CPAP: variants seen among roughly 807,000 people sequenced by gnomAD.
CPAP encodes the protein centrosome assembly and centriole elongation protein.
chr13:24,894,972 G>C, the CPAP span, among the ~76,000 whole-genome samples: 2 of 152,164 alleles, frequency 1.3e-5, no homozygotes, highest in Non-Finnish European at 2.9e-5. Flanking sequence ...AGGCCTGGCT[G>C]GCGGGTGGGA....
chr13:24,929,901 A>ATTTTTTTTTTTTTTTTTTTTTTT, the CPAP span, among the ~76,000 whole-genome samples: 2 of 100,930 alleles, frequency 2.0e-5, no homozygotes, highest in Non-Finnish European at 3.9e-5. Flanking sequence ...TCACTTGTGA[A>ATTTTTTTTTTTTTTTTTTTTTTT]TTTTTTTTTT....
the CPAP span, chr13:24,886,496 A>G: frequency 1.9e-6 from 1 of 529,480 alleles, no homozygotes. Flanking sequence ...TAGATCCAGA[A>G]AATAACATCA....
chr13:24,928,429 A>C, the CPAP span, among the ~76,000 whole-genome samples: 19 of 152,232 alleles, frequency 1.2e-4, no homozygotes, highest in Non-Finnish European at 2.4e-4. Context: ...TTACTTCAGT[A>C]AAGAAGTTTC....
At chr13:24,887,887 C>A in the CPAP span, among the ~76,000 whole-genome samples, 3 of 152,126 alleles carry the variant, frequency 2.0e-5, no homozygotes, top group South Asian at 2.1e-4. Context: ...TGCTGCAAGT[C>A]TTCTGTCTCC....
chr13:24,901,120 G>A, the CPAP span, among the ~76,000 whole-genome samples: 1 of 152,148 alleles, frequency 6.6e-6, no homozygotes, highest in African/African-American at 2.4e-5. Context: ...TGCCTCACTG[G>A]AGGGAGAGCA....
At chr13:24,933,029 G>A in the CPAP span, 11 of 1,588,744 alleles carry the variant, frequency 6.9e-6, no homozygotes, top group South Asian at 1.1e-4. Flanking sequence ...TTTGCAAATT[G>A]TATCTTCTGT....
the CPAP span, among the ~76,000 whole-genome samples, chr13:24,916,166 G>T: frequency 9.1e-4 from 139 of 152,298 alleles, no homozygotes; most frequent in African/African-American, 3.2e-3. Flanking sequence ...AAGCATGTTT[G>T]TGCAGGCTGA....
the CPAP span, chr13:24,909,760 G>A: frequency 6.3e-7 from 1 of 1,587,402 alleles, no homozygotes; most frequent in Non-Finnish European, 8.6e-7. Flanking sequence ...AACACTATAA[G>A]CACAGAAGAG....
At chr13:24,911,871 G>T in the CPAP span, 7 of 1,560,592 alleles carry the variant, frequency 4.5e-6, no homozygotes, top group African/African-American at 1.4e-5. Context: ...ATACAGGAAC[G>T]ATAGAAATAA....
chr13:24,889,715 C>A, the CPAP span, among the ~76,000 whole-genome samples: 96 of 152,120 alleles, frequency 6.3e-4, no homozygotes, highest in Middle Eastern at 3.2e-3. Flanking sequence ...TCATGGTGTT[C>A]GAGAACAAAG....
the CPAP span, among the ~76,000 whole-genome samples, chr13:24,891,085 G>GA: frequency 6.6e-6 from 1 of 151,860 alleles, no homozygotes; most frequent in Admixed American, 6.6e-5. Context: ...ACACTCCAGA[G>GA]AAACAGTCCT....
the CPAP span, chr13:24,883,107 A>G: frequency 7.5e-7 from 1 of 1,324,850 alleles, no homozygotes; most frequent in Non-Finnish European, 1.1e-6. Context: ...ATTAAACAGA[A>G]TCCACAGTAA....
At chr13:24,890,000 C>A in the CPAP span, among the ~76,000 whole-genome samples, 142 of 152,246 alleles carry the variant, frequency 9.3e-4, no homozygotes, top group African/African-American at 3.2e-3. Flanking sequence ...TTGTCATTAT[C>A]AATACTATCA....
chr13:24,902,323 G>A, the CPAP span, among the ~76,000 whole-genome samples: 1 of 152,154 alleles, frequency 6.6e-6, no homozygotes, highest in African/African-American at 2.4e-5. Context: ...AAAGATGTCC[G>A]TTTTGAAATA....
the CPAP span, chr13:24,912,584 G>C: frequency 6.2e-7 from 1 of 1,612,412 alleles, no homozygotes; most frequent in Non-Finnish European, 8.5e-7. Context: ...TATTGTACCT[G>C]TTCAAGTTTT....
chr13:24,904,012 C>T, the CPAP span: 1 of 1,613,960 alleles, frequency 6.2e-7, no homozygotes, highest in Non-Finnish European at 8.5e-7. Flanking sequence ...TTTCTGTTTC[C>T]AATTCAATAA....
chr13:24,882,790 T>C, the CPAP span: 1 of 207,288 alleles, frequency 4.8e-6, no homozygotes, highest in Admixed American at 5.4e-5. Flanking sequence ...GTTTACTCCT[T>C]GAGTACACCT....
At chr13:24,894,113 C>T in the CPAP span, among the ~76,000 whole-genome samples, 252 of 151,976 alleles carry the variant, frequency 1.7e-3, 1 homozygote, top group Non-Finnish European at 2.3e-3. Context: ...GCGCAGATGA[C>T]AAGTAAATGG....
the CPAP span, chr13:24,905,257 A>G: frequency 7.9e-7 from 1 of 1,264,360 alleles, no homozygotes; most frequent in Non-Finnish European, 1.1e-6. Context: ...AGCAATAAGG[A>G]AAGTTAGGAT....
Sources: allele counts gnomAD v4.1 joint callset (sites outside exome capture counted in the v4.1 genomes callset), GRCh38; gene constraint gnomAD v4.1.1; transcripts MANE v1.5; gene names NCBI Gene and HGNC (gene_info 2026-07-23, HGNC 2026-07-21).